Variants in OPTN observed in about 807,000 individuals in gnomAD.
OPTN encodes the protein optineurin, also known as E3-14.7K-interacting protein.
Under a neutral mutation model 70.4 loss-of-function variants are expected in OPTN, and 54 were observed. The ratio of observed to expected loss-of-function variants is 0.77; its 90% CI spans 0.62 to 0.96. OPTN has a LOEUF of 0.96. Ranked by LOEUF, OPTN falls within the 40% of genes least tolerant of loss-of-function variation. The pLI, the probability that OPTN is intolerant of heterozygous loss-of-function variation, is 0.00. For synonymous variants in OPTN, 256 were observed against 248.5 expected (o/e 1.03, Z -0.28); for missense variants, 624 against 673.2 (o/e 0.93, Z 0.81).
At chr10:13,121,642 G>GAGT (rs1485803491) in intron 7 of OPTN, among the ~76,000 whole-genome samples, 1 of 151,982 alleles carries the variant, frequency 6.6e-6, no homozygotes, top group Non-Finnish European at 1.5e-5. Flanking sequence ...ACTCATGCTT[G>GAGT]AGTGTCCTGG....
chr10:13,112,263 A>G (rs1366096057), intron 4 of OPTN, among the ~76,000 whole-genome samples, 190 bp from the exon 5 acceptor site: 2 of 148,360 alleles, frequency 1.3e-5, no homozygotes, highest in Non-Finnish European at 3.0e-5. Flanking sequence ...GTGTGCCACT[A>G]CACCTGGCTA....
chr10:13,125,642 G>C, intron 10 of OPTN, 75 bp downstream of exon 10: 1 of 1,564,284 alleles, frequency 6.4e-7, no homozygotes, highest in Non-Finnish European at 8.8e-7. Context: ...ATTGGAATTC[G>C]GATTTGAGAA....
At chr10:13,123,599 A>T (rs1209780249) in intron 8 of OPTN, among the ~76,000 whole-genome samples, 1 of 152,232 alleles carries the variant, frequency 6.6e-6, no homozygotes, top group Non-Finnish European at 1.5e-5. Context: ...CAACAAAAAT[A>T]GTTGAGTAAA....
intron 5 of OPTN, among the ~76,000 whole-genome samples, chr10:13,113,567 C>T (rs569582471): frequency 1.3e-5 from 2 of 152,234 alleles, no homozygotes; most frequent in East Asian, 3.9e-4. Context: ...GCCCTAAGCT[C>T]TTGAGAAGCA....
intron 6 of OPTN, 141 bp downstream of exon 6, chr10:13,116,481 G>A (rs1833212581): frequency 4.2e-6 from 3 of 715,884 alleles, no homozygotes; most frequent in South Asian, 3.0e-5. Flanking sequence ...AGAATATTTG[G>A]TTTGAATGCT....
At chr10:13,126,185 G>A (rs1467829884) in intron 11 of OPTN, 146 bp downstream of exon 11, 1 of 645,444 alleles carries the variant, frequency 1.5e-6, no homozygotes. Flanking sequence ...TGCATCTAGG[G>A]TTTGTAACTT....
Position 13,136,793 on chromosome 10 carries a change from C to A in OPTN, c.1661C>A (p.Ser554Tyr). Residue 554 changes from serine (S) to tyrosine (Y), a missense_variant, in exon 15 of 15, where the codon TCC becomes TAC. Physicochemically the swap from Ser to Tyr is moderately radical, Grantham distance 144 (BLOSUM62 -2). Transcript: ENST00000378747. ...CAACAGCGGAATATTCCGATTCATTCCTGCCCCAAGTGTGGAGAGGTTCTG... is the reference window on the plus strand; with the variant it reads ...CAACAGCGGAATATTCCGATTCATTACTGCCCCAAGTGTGGAGAGGTTCTG... ...WRQQRNIPIH[S>Y]CPKCGEVLPD... The A allele has an allele frequency of 2.5e-6, 4 of 1,614,200 alleles. No homozygotes were observed.
At position 13,104,064 on chromosome 10, in the gene OPTN, T is replaced by C. The variant is rs534421506; in HGVS notation, c.-164+3762T>C. 4.5e-4 allele frequency among the ~76,000 whole-genome samples: 68 copies of C among 152,288 alleles called. 1 individual carries two copies. Among genetic ancestry groups the C allele is most frequent in the Non-Finnish European group, 8.7e-4 (59 of 68,024 alleles). On this transcript the variant is annotated intron_variant, in intron 1 of 14. Transcript: ENST00000378747. ...CAAGGATATGTAATGTATCTCTGTC[T>C]TTCCTCAGTTGAATGTAGCTCAAGG...
chr10:13,132,904 G>T (rs766446288), intron 13 of OPTN, among the ~76,000 whole-genome samples: 1 of 151,870 alleles, frequency 6.6e-6, no homozygotes, highest in East Asian at 1.9e-4. Context: ...GCTTTTATTT[G>T]CTTCAAGTAT....
rs1588436498 is a variant in OPTN at position 13,112,489 on chromosome 10, G to A, written c.406G>A (p.Ala136Thr). The A allele has an allele frequency of 1.2e-6, 2 of 1,614,014 alleles. No homozygotes were observed. Among genetic ancestry groups the A allele is most frequent in the South Asian group, 2.2e-5 (2 of 91,062 alleles). Residue 136 changes from alanine (A) to threonine (T), a missense_variant, in exon 5 of 15, where the codon GCG becomes ACG. Ala to Thr is a moderately conservative substitution (Grantham distance 58). Transcript: ENST00000378747. ...TDDSRLPRAEAEQEKDQLRTQ... is the reference protein window; with the variant it reads ...TDDSRLPRAETEQEKDQLRTQ... ...TGACTCCAGGCTTCCCAGGGCCGAAGCGGAGCAGGAAAAGGACCAGCTCAG... is the reference window on the plus strand; with the variant it reads ...TGACTCCAGGCTTCCCAGGGCCGAAACGGAGCAGGAAAAGGACCAGCTCAG...
At chr10:13,119,127 A>G in intron 7 of OPTN, 87 bp downstream of exon 7, 1 of 1,212,104 alleles carries the variant, frequency 8.3e-7, no homozygotes, top group East Asian at 2.5e-5. Context: ...TCACCCATTT[A>G]AAGTATACAT....
intron 14 of OPTN, among the ~76,000 whole-genome samples, chr10:13,134,318 C>A (rs1169697782): frequency 6.6e-6 from 1 of 152,200 alleles, no homozygotes; most frequent in African/African-American, 2.4e-5. Flanking sequence ...AACTCCATCT[C>A]CATGAACTGT....
intron 5 of OPTN, among the ~76,000 whole-genome samples, chr10:13,115,252 T>TA (rs371236630): frequency 1.1e-3 from 6 of 5,274 alleles, no homozygotes; most frequent in African/African-American, 2.7e-3. Flanking sequence ...TATATCTATA[T>TA]TTATATCTAT....
chr10:13,111,165 T>C, intron 4 of OPTN, among the ~76,000 whole-genome samples: 1 of 152,078 alleles, frequency 6.6e-6, no homozygotes, highest in Non-Finnish European at 1.5e-5. Context: ...GTGGGTGGGC[T>C]TTGATGGGAG....
intron 1 of OPTN, chr10:13,104,772 T>G: frequency 1.6e-6 from 1 of 610,716 alleles, no homozygotes; most frequent in South Asian, 1.5e-5. Flanking sequence ...ATAAATCCCT[T>G]CTAGCCATCT....
intron 2 of OPTN, 141 bp from the exon 3 acceptor site, chr10:13,108,971 A>G (rs1832932413): frequency 1.3e-6 from 1 of 794,554 alleles, no homozygotes; most frequent in Non-Finnish European, 2.2e-6. Context: ...GGAAGAATCA[A>G]AAATGTCCAA....
intron 6 of OPTN, 77 bp from the exon 7 acceptor site, chr10:13,118,811 C>A: frequency 1.6e-6 from 2 of 1,245,098 alleles, no homozygotes; most frequent in Non-Finnish European, 2.4e-6. Context: ...TAAGCTGGTC[C>A]CAGTTATATT....
intron 12 of OPTN, among the ~76,000 whole-genome samples, chr10:13,130,308 C>G (rs1274355930): frequency 6.6e-6 from 1 of 151,218 alleles, no homozygotes; most frequent in South Asian, 2.1e-4. Context: ...ACCTGTAGTC[C>G]CAGCTACTCG....
Position 13,127,896 on chromosome 10 carries a change from G to C in OPTN, c.1394G>C (p.Arg465Thr), listed in dbSNP as rs1377309393. ...GACCTGGAAACCATGACCATCCTCAGGGCTCAGGTGAGGCACCTTCCAAAA... is the reference window on the plus strand; with the variant it reads ...GACCTGGAAACCATGACCATCCTCACGGCTCAGGTGAGGCACCTTCCAAAA... ...EEDLETMTIL[R>T]AQMEVYCSDF... Residue 465 changes from arginine to threonine, a missense_variant, in exon 12 of 15, where the codon AGG becomes ACG. By Grantham distance (71) the Arg-to-Thr change is moderately conservative. Coordinates refer to ENST00000378747, the MANE Select transcript of OPTN (RefSeq NM_001008212.2). 6.2e-7 allele frequency: 1 copy of C among 1,614,156 alleles called. No homozygotes were observed. Among genetic ancestry groups the C allele is most frequent in the Non-Finnish European group, 8.5e-7 (1 of 1,180,024 alleles).
Sources: allele counts gnomAD v4.1 joint callset (sites outside exome capture counted in the v4.1 genomes callset), GRCh38; gene constraint gnomAD v4.1.1; transcripts MANE v1.5; gene names NCBI Gene and HGNC (gene_info 2026-07-23, HGNC 2026-07-21).